SHC4: variants seen among roughly 807,000 people sequenced by gnomAD.
The protein encoded by SHC4 is SHC adaptor protein 4, also known as SHC-transforming protein 4.
SHC4 carries 41 observed loss-of-function variants against 69.4 expected under a neutral mutation model. That is an observed-to-expected ratio of 0.59 (90% CI 0.46 to 0.77). The LOEUF is 0.77. Ranked by LOEUF, SHC4 falls within the 30% of genes least tolerant of loss-of-function variation. The pLI, the probability that SHC4 is intolerant of heterozygous loss-of-function variation, is 0.00. For missense variants in SHC4, 777 were observed against 783.8 expected (o/e 0.99, Z 0.10); for synonymous variants, 318 against 299.3 (o/e 1.06, Z -0.64).
chr15:48,887,255 C>G (rs901445218), intron 3 of SHC4, among the ~76,000 whole-genome samples: 6 of 152,152 alleles, frequency 3.9e-5, no homozygotes, highest in East Asian at 1.9e-4. Flanking sequence ...CTCCCTCCCC[C>G]CAGGGCAGAT....
At chr15:48,903,813 C>T (rs932712281) in intron 2 of SHC4, among the ~76,000 whole-genome samples, 1 of 152,092 alleles carries the variant, frequency 6.6e-6, no homozygotes, top group Non-Finnish European at 1.5e-5. Flanking sequence ...AGTGGAGTGG[C>T]TATTCACAAG....
rs759553703 is a variant in SHC4 at position 48,890,895 on chromosome 15, G to A, written c.657-84C>T. ...TTTAAGAAATGTTAGAAATTATCAC[G>A]ACCAAAAAGTACACATACATAATAG... On this transcript the variant is annotated intron_variant, in intron 2 of 11. Coordinates refer to ENST00000332408, the MANE Select transcript of SHC4 (RefSeq NM_203349.4). 6 of 1,430,920 alleles carry A rather than the reference G, an allele frequency of 4.2e-6. No homozygotes were observed. The East Asian group carries it at 1.2e-4, about 27-fold the overall frequency. 88.6% of individuals were successfully genotyped at this position (1,430,920 alleles called of 1,614,324 possible).
chr15:48,934,026 T>C (rs1158873932), intron 1 of SHC4, among the ~76,000 whole-genome samples: 5 of 152,108 alleles, frequency 3.3e-5, no homozygotes, highest in Non-Finnish European at 4.4e-5. Flanking sequence ...GAATAGGCAA[T>C]GGTTTCTTAG....
chr15:48,937,580 A>G (rs562515340), intron 1 of SHC4, among the ~76,000 whole-genome samples: 1 of 140,948 alleles, frequency 7.1e-6, no homozygotes, highest in Non-Finnish European at 1.5e-5. Context: ...TATCACACAG[A>G]CACATAGATA....
At chr15:48,890,646 G>T in intron 3 of SHC4, 102 bp downstream of exon 3, 1 of 1,339,888 alleles carries the variant, frequency 7.5e-7, no homozygotes, top group Non-Finnish European at 1.1e-6. Context: ...ATAAAGGCCA[G>T]GCTGGACCTT....
At chr15:48,934,788 C>G (rs968272019) in intron 1 of SHC4, among the ~76,000 whole-genome samples, 3 of 152,112 alleles carry the variant, frequency 2.0e-5, no homozygotes, top group East Asian at 3.8e-4. Flanking sequence ...AGTATTGATA[C>G]ATGCTGCAGC....
At chr15:48,878,323 C>T in intron 4 of SHC4, 1 of 1,613,628 alleles carries the variant, frequency 6.2e-7, no homozygotes, top group East Asian at 2.2e-5. Context: ...GCAGCGGGGC[C>T]CAACAGCTCG....
chr15:48,857,779 T>C lies in SHC4; in HGVS notation c.983A>G (p.Gln328Arg), dbSNP rs1300047363. 1 of 1,593,736 alleles carries C rather than the reference T, an allele frequency of 6.3e-7. No individual in the cohort carries two copies. Among genetic ancestry groups the C allele is most frequent in the East Asian group, 2.3e-5 (1 of 44,324 alleles). The change falls in exon 7 of 12, where the codon CAA (glutamine) becomes CGA (arginine). Residue 328 changes from glutamine (Q) to arginine (R), a missense_variant. Physicochemically the swap from Gln to Arg is conservative, Grantham distance 43. Transcript: ENST00000332408. Reference protein sequence around the residue: ...HILECHNGMAQDVISTIGQAF... With the variant: ...HILECHNGMARDVISTIGQAF... ...CTGCCCTATGGTACTTATGACGTCT[T>C]GGGCCATTCCATTGTGGCATTCCAA...
In SHC4 at chr15:48,877,983, C is replaced by T. The variant is rs908493320; in HGVS notation, c.841-5841G>A. ...ATCGATGGAAACGTAGCTCAAAAGG[C>T]GACGCCAACACCCCGGAGAAAACAC... On this transcript the variant is annotated intron_variant, in intron 4 of 11. Transcript: ENST00000332408. 4.3e-5 allele frequency: 25 copies of T among 576,092 alleles called. No individual in the cohort carries two copies. The African/African-American group carries it at 4.5e-4, about 10-fold the overall frequency. 35.7% of individuals were successfully genotyped at this position (576,092 alleles called of 1,614,324 possible). A position where few individuals can be genotyped will look rare whatever the true frequency, so the allele number is the denominator to read the frequency against.
At chr15:48,880,574 A>G (rs1255950512) in intron 4 of SHC4, among the ~76,000 whole-genome samples, 1 of 150,494 alleles carries the variant, frequency 6.6e-6, no homozygotes, top group Non-Finnish European at 1.5e-5. Context: ...GAAGGTTGTG[A>G]TTCTGTTTTT....
intron 8 of SHC4, among the ~76,000 whole-genome samples, chr15:48,852,589 T>C (rs759521645): frequency 1.3e-5 from 2 of 152,054 alleles, no homozygotes; most frequent in Non-Finnish European, 2.9e-5. Context: ...TTTGGAAGCT[T>C]ACAGAAGAGG....
intron 1 of SHC4, among the ~76,000 whole-genome samples, chr15:48,945,443 A>G (rs1901258650): frequency 6.6e-6 from 1 of 152,256 alleles, no homozygotes; most frequent in Admixed American, 6.5e-5. Flanking sequence ...ACTATTCATA[A>G]TAGCCCAAAA....
intron 2 of SHC4, among the ~76,000 whole-genome samples, chr15:48,908,815 C>T (rs964092696): frequency 6.6e-6 from 1 of 152,134 alleles, no homozygotes; most frequent in African/African-American, 2.4e-5. Flanking sequence ...GGTGTCCTTT[C>T]CCCACTTTAT....
chr15:48,948,245 GA>G (rs886906508), intron 1 of SHC4, among the ~76,000 whole-genome samples: 2 of 152,220 alleles, frequency 1.3e-5, no homozygotes, highest in African/African-American at 4.8e-5. Flanking sequence ...TCAAGGGCAA[GA>G]TGTTGTTGTC....
At chr15:48,844,089 T>A (rs1181242305) in intron 9 of SHC4, among the ~76,000 whole-genome samples, 1 of 152,224 alleles carries the variant, frequency 6.6e-6, no homozygotes, top group Admixed American at 6.5e-5. Flanking sequence ...ATGAATACAA[T>A]AAAATTCTTA....
intron 1 of SHC4, among the ~76,000 whole-genome samples, chr15:48,961,793 G>A (rs1480413699): frequency 1.3e-5 from 2 of 152,204 alleles, no homozygotes; most frequent in African/African-American, 4.8e-5. Context: ...CAGATACAAG[G>A]CCAGTAAGGA....
intron 1 of SHC4, among the ~76,000 whole-genome samples, chr15:48,952,929 G>A (rs1901388975): frequency 6.6e-6 from 1 of 152,082 alleles, no homozygotes; most frequent in African/African-American, 2.4e-5. Flanking sequence ...TATACCCAAA[G>A]GAATATAAAT....
intron 2 of SHC4, among the ~76,000 whole-genome samples, chr15:48,899,708 AAGTT>A (rs1223471460): frequency 6.6e-6 from 1 of 152,148 alleles, no homozygotes; most frequent in African/African-American, 2.4e-5. Context: ...CTGGCCTACC[AAGTT>A]AATCCACCTT....
At chr15:48,956,930 A>G (rs1307125664) in intron 1 of SHC4, among the ~76,000 whole-genome samples, 1 of 147,246 alleles carries the variant, frequency 6.8e-6, no homozygotes, top group African/African-American at 2.5e-5. Flanking sequence ...TTTTGTTCAA[A>G]CTTCTTCTTC....
Sources: allele counts gnomAD v4.1 joint callset (sites outside exome capture counted in the v4.1 genomes callset), GRCh38; gene constraint gnomAD v4.1.1; transcripts MANE v1.5; gene names NCBI Gene and HGNC (gene_info 2026-07-23, HGNC 2026-07-21).